Variants in TEX14 observed in about 807,000 individuals in gnomAD.
TEX14 encodes testis expressed 14, intercellular bridge forming factor.
Under a neutral mutation model 178.6 loss-of-function variants are expected in TEX14, and 168 were observed. The ratio of observed to expected loss-of-function variants is 0.94; its 90% CI spans 0.83 to 1.07. The LOEUF is 1.07. Ranked by LOEUF, TEX14 falls within the 50% of genes least tolerant of loss-of-function variation. The pLI, the probability that TEX14 is intolerant of heterozygous loss-of-function variation, is 0.00. For missense variants in TEX14, 1,730 were observed against 1,753.6 expected (o/e 0.99, Z 0.24); for synonymous variants, 626 against 634.1 (o/e 0.99, Z 0.19).
intron 1 of TEX14, chr17:58,659,238 T>C (rs897309169): frequency 2.1e-4 from 108 of 524,002 alleles, no homozygotes; most frequent in East Asian, 2.0e-3. Flanking sequence ...AAACACATAG[T>C]AAAAACCCTC....
intron 24 of TEX14, among the ~76,000 whole-genome samples, chr17:58,571,397 C>G (rs1435270007): frequency 2.0e-5 from 3 of 151,720 alleles, no homozygotes; most frequent in Non-Finnish European, 4.4e-5. Context: ...CACCATGTCC[C>G]AGCTAATTTT....
intron 20 of TEX14, 73 bp from the exon 21 acceptor site, chr17:58,577,529 A>G: frequency 2.1e-6 from 1 of 483,990 alleles, no homozygotes; most frequent in East Asian, 4.1e-5. Context: ...AATTATTGTC[A>G]CCATTCCCTA....
intron 20 of TEX14, among the ~76,000 whole-genome samples, chr17:58,578,304 C>T (rs2044728351): frequency 6.6e-6 from 1 of 152,164 alleles, no homozygotes; most frequent in African/African-American, 2.4e-5. Context: ...AAACTAATTC[C>T]TAAGAAGCAA....
intron 10 of TEX14, among the ~76,000 whole-genome samples, chr17:58,605,630 T>C (rs2045589031): frequency 6.6e-6 from 1 of 152,186 alleles, no homozygotes; most frequent in African/African-American, 2.4e-5. Context: ...AGGGACCTTC[T>C]TTCAGTTCCT....
At chr17:58,600,419 G>T (rs1598374367) in intron 13 of TEX14, among the ~76,000 whole-genome samples, 1 of 152,090 alleles carries the variant, frequency 6.6e-6, no homozygotes, top group South Asian at 2.1e-4. Flanking sequence ...AAATTAGCCA[G>T]GCATGGTGGT....
chr17:58,588,468 A>G (rs2045037273), intron 15 of TEX14, among the ~76,000 whole-genome samples: 1 of 151,674 alleles, frequency 6.6e-6, no homozygotes, highest in Admixed American at 6.6e-5. Context: ...TAGTTTTTGT[A>G]TTTTTAGTAG....
chr17:58,615,501 C>T (rs1338401096), intron 7 of TEX14, among the ~76,000 whole-genome samples, 156 bp from the exon 8 acceptor site: 1 of 152,202 alleles, frequency 6.6e-6, no homozygotes, highest in Admixed American at 6.5e-5. Flanking sequence ...CACTACCCAC[C>T]CCCAGGTACT....
chr17:58,564,819 A>G, intron 28 of TEX14, 50 bp downstream of exon 28: 1 of 1,194,044 alleles, frequency 8.4e-7, no homozygotes, highest in Admixed American at 2.5e-5. Context: ...AACCTAACAT[A>G]AACTATACAA....
intron 8 of TEX14, among the ~76,000 whole-genome samples, chr17:58,613,902 G>A (rs1000075235): frequency 2.0e-5 from 3 of 152,050 alleles, no homozygotes; most frequent in Non-Finnish European, 2.9e-5. Context: ...CCTGACCTCA[G>A]GTGATCCACC....
At chr17:58,557,297 G>C (rs1173363414) in intron 31 of TEX14, among the ~76,000 whole-genome samples, 3 of 150,324 alleles carry the variant, frequency 2.0e-5, no homozygotes, top group African/African-American at 7.4e-5. Context: ...TTGAGACGGA[G>C]TCTTGCTCTT....
In TEX14 at chr17:58,642,824, A is replaced by C. The variant is rs532517064; in HGVS notation, c.136+9042T>G. Among the ~76,000 whole-genome samples the C allele has an allele frequency of 4.6e-5, 7 of 152,118 alleles. No individual in the cohort carries two copies. In the South Asian group the frequency reaches 1.2e-3, roughly 27 times the overall value. The stretch of plus-strand genomic sequence containing the variant: ...CTCTGAGCAGTTTCTCCAACTTCAC[A>C]TGGGTGTGACTATCACTCCAGTACA... On this transcript the variant is annotated intron_variant, in intron 2 of 31. Transcript: ENST00000349033.
At chr17:58,667,136 G>T (rs2047227566) in intron 1 of TEX14, among the ~76,000 whole-genome samples, 1 of 152,158 alleles carries the variant, frequency 6.6e-6, no homozygotes, top group African/African-American at 2.4e-5. Context: ...AGACGTGAAT[G>T]AACTTTTAGT....
chr17:58,575,562 C>T (rs1483955841), intron 21 of TEX14, among the ~76,000 whole-genome samples: 1 of 151,992 alleles, frequency 6.6e-6, no homozygotes, highest in African/African-American at 2.4e-5. Flanking sequence ...ACTTTTTGGC[C>T]CTCTTGATTT....
At chr17:58,581,845 G>C in intron 19 of TEX14, 4 of 1,145,186 alleles carry the variant, frequency 3.5e-6, no homozygotes, top group Non-Finnish European at 4.9e-6. Flanking sequence ...CAGTCAGTGT[G>C]ACACTGAGCT....
rs1567721156 is a variant in TEX14 at position 58,587,941 on chromosome 17, C to CGGTGAG, written c.2656_2657insCTCACC (p.His885_Arg886insProHis). Reference sequence around the variant, plus strand: ...GCTGGGTGATGCAGAAGGTCCCTGCCGGTGGCTTGACAGAGTGAAGAGTGC... The same window carrying CGGTGAG: ...GCTGGGTGATGCAGAAGGTCCCTGCCGGTGAGGGTGGCTTGACAGAGTGAAGAGTGC... On this transcript the variant is annotated inframe_insertion, in exon 16 of 32. Coordinates refer to ENST00000349033, the MANE Select transcript of TEX14 (RefSeq NM_031272.5). 1 of 1,613,622 alleles carries CGGTGAG rather than the reference C, an allele frequency of 6.2e-7. No homozygotes were observed. Among genetic ancestry groups the CGGTGAG allele is most frequent in the Non-Finnish European group, 8.5e-7 (1 of 1,179,688 alleles).
At chr17:58,579,372 G>T (rs957534246) in intron 20 of TEX14, among the ~76,000 whole-genome samples, 2 of 152,212 alleles carry the variant, frequency 1.3e-5, no homozygotes, top group Middle Eastern at 3.2e-3. Flanking sequence ...ACACCAAGGA[G>T]CCTGAAAGCT....
At chr17:58,691,591 C>T (rs569991088) in intron 1 of TEX14, among the ~76,000 whole-genome samples, 2 of 142,406 alleles carry the variant, frequency 1.4e-5, no homozygotes, top group South Asian at 2.4e-4. Context: ...CACTTGAACC[C>T]GGGAGGCGAA....
intron 14 of TEX14, among the ~76,000 whole-genome samples, chr17:58,596,916 A>G (rs2045299130): frequency 6.6e-6 from 1 of 152,002 alleles, no homozygotes; most frequent in African/African-American, 2.4e-5. Context: ...CACTCCAGCA[A>G]AAATAAATGC....
intron 9 of TEX14, among the ~76,000 whole-genome samples, chr17:58,612,690 G>A (rs892529011): frequency 4.1e-5 from 6 of 147,358 alleles, no homozygotes; most frequent in East Asian, 2.0e-4. Flanking sequence ...AGCAGAGATC[G>A]TGCCACTGTA....
Sources: allele counts gnomAD v4.1 joint callset (sites outside exome capture counted in the v4.1 genomes callset), GRCh38; gene constraint gnomAD v4.1.1; transcripts MANE v1.5; gene names NCBI Gene and HGNC (gene_info 2026-07-23, HGNC 2026-07-21).